Variants in HSD17B2 observed in about 807,000 individuals in gnomAD.
The protein encoded by HSD17B2 is hydroxysteroid 17-beta dehydrogenase 2.
In HSD17B2, 32 loss-of-function variants were observed where a neutral mutation model predicts 26.9. The ratio of observed to expected loss-of-function variants is 1.19; its 90% CI spans 0.90 to 1.60. HSD17B2 has a LOEUF of 1.60. Among genes scored for constraint, HSD17B2 ranks in the 40% most tolerant of loss-of-function variants. HSD17B2 has a pLI of 0.00. For missense variants in HSD17B2, 613 were observed against 468.6 expected (o/e 1.31, Z -2.85); for synonymous variants, 246 against 186.7 (o/e 1.32, Z -2.59).
intron 1 of HSD17B2, among the ~76,000 whole-genome samples, chr16:82,052,784 G>T (rs1263422989): frequency 6.6e-6 from 1 of 152,158 alleles, no homozygotes; most frequent in East Asian, 1.9e-4. Flanking sequence ...TCACTTTATT[G>T]GTCTCCTGGA....
At chr16:82,089,440 G>A (rs1402323076) in intron 3 of HSD17B2, among the ~76,000 whole-genome samples, 2 of 152,152 alleles carry the variant, frequency 1.3e-5, no homozygotes, top group African/African-American at 4.8e-5. Context: ...TAGTCTTCGT[G>A]TGAGACTTCA....
intron 1 of HSD17B2, 88 bp from the exon 2 acceptor site, chr16:82,068,082 G>T: frequency 8.6e-7 from 1 of 1,168,326 alleles, no homozygotes; most frequent in Non-Finnish European, 1.3e-6. Flanking sequence ...ATGGAGAATC[G>T]TAAACAACGT....
chr16:82,096,622 T>C (rs969193704), intron 4 of HSD17B2: 14 of 151,966 alleles, frequency 9.2e-5, no homozygotes, highest in Non-Finnish European at 7.4e-5. Context: ...TTATATACAG[T>C]ATATATTATA....
chr16:82,087,560 G>C (rs1904562885), intron 3 of HSD17B2, among the ~76,000 whole-genome samples: 1 of 152,170 alleles, frequency 6.6e-6, no homozygotes, highest in Admixed American at 6.5e-5. Context: ...TAATGCAAAA[G>C]ACAAATGAGT....
intron 4 of HSD17B2, chr16:82,096,958 G>A (rs552194770): frequency 9.9e-5 from 15 of 150,826 alleles, no homozygotes; most frequent in Admixed American, 2.6e-4. Context: ...TGGTTACTGA[G>A]AAGTGGGCTG....
At chr16:82,043,918 G>A (rs920707695) in intron 1 of HSD17B2, among the ~76,000 whole-genome samples, 41 of 152,250 alleles carry the variant, frequency 2.7e-4, no homozygotes, top group African/African-American at 9.4e-4. Flanking sequence ...TTCTTCCCTT[G>A]AAGTTAACTC....
intron 2 of HSD17B2, chr16:82,070,713 C>G (rs774965827): frequency 1.9e-6 from 1 of 536,848 alleles, no homozygotes. Flanking sequence ...GTTTCTGGAA[C>G]AGAATATTCT....
At chr16:82,037,074 A>G (rs1913644050) in intron 1 of HSD17B2, among the ~76,000 whole-genome samples, 1 of 152,214 alleles carries the variant, frequency 6.6e-6, no homozygotes, top group Non-Finnish European at 1.5e-5. Context: ...CACCCAACTC[A>G]GTGAGCCCAC....
intron 1 of HSD17B2, among the ~76,000 whole-genome samples, chr16:82,057,227 T>G: frequency 6.7e-6 from 1 of 149,366 alleles, no homozygotes; most frequent in Non-Finnish European, 1.5e-5. Flanking sequence ...TGAGAGAGAG[T>G]CCCCCTCCGT....
chr16:82,097,016 TC>T (rs1904859173), intron 4 of HSD17B2: 1 of 151,940 alleles, frequency 6.6e-6, no homozygotes, highest in African/African-American at 2.4e-5. Context: ...TTTTTTTTTT[TC>T]TTTTTTTCCC....
intron 4 of HSD17B2, 86 bp from the exon 5 acceptor site, chr16:82,097,989 C>A: frequency 1.5e-6 from 2 of 1,314,612 alleles, no homozygotes; most frequent in Non-Finnish European, 2.1e-6. Flanking sequence ...TTGCAAAGGG[C>A]CATCCTTCCC....
chr16:82,035,316 C>T lies in HSD17B2; in HGVS notation c.-109C>T. 9.8e-7 allele frequency: 1 copy of T among 1,016,336 alleles called. No individual in the cohort carries two copies. The highest frequency in any genetic ancestry group is 1.6e-5 in the South Asian group (1 of 64,164). 63.0% of individuals were successfully genotyped at this position (1,016,336 alleles called of 1,614,324 possible). Reference sequence around the variant, plus strand: ...TTGAAAGGGGCTGGGGCTGCTTTCTCCCCTCCCTTCTTGACTCTCTGTTCA... The same window carrying T: ...TTGAAAGGGGCTGGGGCTGCTTTCTTCCCTCCCTTCTTGACTCTCTGTTCA... On this transcript the variant is annotated 5_prime_UTR_variant, in exon 1 of 5. Coordinates refer to ENST00000199936, the MANE Select transcript of HSD17B2 (RefSeq NM_002153.3).
At chr16:82,086,716 C>A (rs938600261) in intron 3 of HSD17B2, among the ~76,000 whole-genome samples, 1 of 152,200 alleles carries the variant, frequency 6.6e-6, no homozygotes, top group Non-Finnish European at 1.5e-5. Context: ...TAAGGCAGGT[C>A]TTGTTGTTGA....
At chr16:82,037,893 A>G (rs149215976) in intron 1 of HSD17B2, among the ~76,000 whole-genome samples, 121 of 152,352 alleles carry the variant, frequency 7.9e-4, no homozygotes, top group African/African-American at 2.9e-3. Flanking sequence ...AATAGTTTGT[A>G]TATGGTTGGA....
At chr16:82,058,042 A>G (rs567449608) in intron 1 of HSD17B2, among the ~76,000 whole-genome samples, 2 of 152,268 alleles carry the variant, frequency 1.3e-5, no homozygotes, top group South Asian at 4.1e-4. Context: ...TAACTACATC[A>G]TACTAATGTA....
chr16:82,069,099 G>T (rs1914638781), intron 2 of HSD17B2, among the ~76,000 whole-genome samples: 2 of 152,154 alleles, frequency 1.3e-5, no homozygotes, highest in Middle Eastern at 3.4e-3. Flanking sequence ...AGTGTGGGTT[G>T]TTCCCCACCA....
chr16:82,060,662 G>A (rs139093832), intron 1 of HSD17B2, among the ~76,000 whole-genome samples: 7 of 152,296 alleles, frequency 4.6e-5, no homozygotes, highest in Non-Finnish European at 8.8e-5. Flanking sequence ...GTGTTTGTCC[G>A]TTCTACCATA....
rs368910306 is a variant in HSD17B2, at chr16:82,091,041, T to C, written c.802+2T>C. 3.7e-6 allele frequency: 6 copies of C among 1,613,646 alleles called. No homozygotes were observed. The African/African-American group carries it at 6.7e-5, about 18-fold the overall frequency. Reference sequence around the variant, plus strand: ...TCCAACCTGGAGGCTTCCTAACAAGTAGGTTTCTGAGCCCAAGAACCTGTG... The same window carrying C: ...TCCAACCTGGAGGCTTCCTAACAAGCAGGTTTCTGAGCCCAAGAACCTGTG... On this transcript the variant is annotated splice_donor_variant, in intron 4 of 4. Transcript: ENST00000199936. LOFTEE classifies it high-confidence loss of function.
At chr16:82,061,342 T>C (rs1354773588) in intron 1 of HSD17B2, among the ~76,000 whole-genome samples, 2 of 152,170 alleles carry the variant, frequency 1.3e-5, no homozygotes, top group Non-Finnish European at 2.9e-5. Flanking sequence ...TACTTTAATA[T>C]ATCAAATTAT....
Sources: gnomAD v4.1 joint callset for allele counts (sites outside exome capture counted in the v4.1 genomes callset) on GRCh38, gnomAD v4.1.1 for gene constraint, MANE v1.5 for transcripts, NCBI Gene and HGNC (gene_info 2026-07-23, HGNC 2026-07-21) for gene names.